C10orf53: variants seen among roughly 807,000 people sequenced by gnomAD.
C10orf53 encodes the protein chromosome 10 open reading frame 53.
In C10orf53, 8 loss-of-function variants were observed where a neutral mutation model predicts 9.4. The ratio of observed to expected loss-of-function variants is 0.85; its 90% CI spans 0.50 to 1.53. The LOEUF (loss-of-function observed/expected upper bound fraction) is 1.53, where lower values mean the gene tolerates loss of function less well. Ranked by LOEUF, C10orf53 falls within the 40% of genes most tolerant of loss-of-function variation. The pLI, the probability that C10orf53 is intolerant of heterozygous loss-of-function variation, is 0.00. For missense variants in C10orf53, 117 were observed against 117.8 expected, an observed-to-expected ratio of 0.99 and a Z score of 0.03; for synonymous variants, 48 against 46.0, an observed-to-expected ratio of 1.04 and a Z score of -0.18.
At chr10:49,700,254 TCTA>T (rs931462186), downstream of C10orf53, among the ~76,000 whole-genome samples, 96 of 152,348 alleles carry the variant, frequency 6.3e-4, no homozygotes, top group African/African-American at 2.2e-3. Flanking sequence ...GACCCAGGAA[TCTA>T]CTTCTTTCAC....
intron 2 of C10orf53, among the ~76,000 whole-genome samples, chr10:49,707,897 C>T (rs1840734068): frequency 6.6e-6 from 1 of 151,826 alleles, no homozygotes; most frequent in South Asian, 2.1e-4. Flanking sequence ...ACCCATTGAC[C>T]TCATTGTATT....
chr10:49,683,164 A>G (rs775776836), intron 1 of C10orf53, among the ~76,000 whole-genome samples: 2 of 152,232 alleles, frequency 1.3e-5, no homozygotes, highest in African/African-American at 2.4e-5. Context: ...ACCATTTTAC[A>G]TTCCCACTAG....
chr10:49,680,484 G>C (rs1840468680), intron 1 of C10orf53, among the ~76,000 whole-genome samples: 1 of 152,218 alleles, frequency 6.6e-6, no homozygotes, highest in African/African-American at 2.4e-5. Context: ...TCCAGGCAGA[G>C]GGACTAATAA....
At chr10:49,699,113 T>G (rs567109329), downstream of C10orf53, among the ~76,000 whole-genome samples, 2 of 151,472 alleles carry the variant, frequency 1.3e-5, no homozygotes, top group Admixed American at 6.6e-5. Flanking sequence ...TGAAAGGCAT[T>G]TTTAAAATAG....
intron 2 of C10orf53, among the ~76,000 whole-genome samples, chr10:49,706,949 G>C (rs1840726216): frequency 6.6e-6 from 1 of 152,144 alleles, no homozygotes; most frequent in Admixed American, 6.5e-5. Context: ...TCTTGCCCAG[G>C]GTTACCTGAG....
intron 1 of C10orf53, among the ~76,000 whole-genome samples, chr10:49,689,679 A>G (rs1840563386): frequency 6.6e-6 from 1 of 152,186 alleles, no homozygotes; most frequent in Admixed American, 6.5e-5. Context: ...ACAGCGCTGA[A>G]GAAGAATGCA....
chr10:49,709,661 G>A (rs1840748551), exon 3 of C10orf53: 1 of 152,372 alleles, frequency 6.6e-6, no homozygotes, highest in Non-Finnish European at 1.5e-5. Flanking sequence ...TCTTCAGCCA[G>A]GCATAAGAGA....
intron 1 of C10orf53, among the ~76,000 whole-genome samples, chr10:49,680,259 CTTG>C (rs1358434991): frequency 2.6e-5 from 4 of 152,194 alleles, no homozygotes; most frequent in African/African-American, 9.7e-5. Flanking sequence ...AAGTAATCTC[CTTG>C]TTAACTGCTA....
intron 1 of C10orf53, among the ~76,000 whole-genome samples, chr10:49,686,751 C>T (rs944133269): frequency 6.6e-5 from 10 of 152,210 alleles, no homozygotes; most frequent in Admixed American, 2.6e-4. Flanking sequence ...CGGTTGTCTG[C>T]TCTCGAACCC....
intron 1 of C10orf53, among the ~76,000 whole-genome samples, chr10:49,684,582 G>A (rs533702852): frequency 1.4e-4 from 1 of 7,028 alleles, no homozygotes; most frequent in South Asian, 9.4e-3. Flanking sequence ...CTAATTGTTT[G>A]CATATATTCC....
At chr10:49,692,935 G>A (rs1178734377) in intron 1 of C10orf53, among the ~76,000 whole-genome samples, 2 of 151,994 alleles carry the variant, frequency 1.3e-5, no homozygotes, top group Non-Finnish European at 2.9e-5. Flanking sequence ...ACGCAATCTG[G>A]AAAATGCTGA....
chr10:49,682,953 A>G (rs1347616874), intron 1 of C10orf53, among the ~76,000 whole-genome samples: 1 of 152,168 alleles, frequency 6.6e-6, no homozygotes, highest in Non-Finnish European at 1.5e-5. Flanking sequence ...GATATGCCAT[A>G]TTTTGTTTAT....
At chr10:49,704,617 G>A (rs571634919) in intron 2 of C10orf53, among the ~76,000 whole-genome samples, 10 of 152,178 alleles carry the variant, frequency 6.6e-5, no homozygotes, top group African/African-American at 1.4e-4. Context: ...GGTGGTGCAC[G>A]CCTGTAATCC....
intron 1 of C10orf53, 146 bp downstream of exon 1, chr10:49,679,940 G>T (rs1428247961): frequency 2.7e-6 from 2 of 727,916 alleles, no homozygotes; most frequent in Non-Finnish European, 4.1e-6. Context: ...GCAACCTATG[G>T]CTTCCAGGGC....
At chr10:49,700,555 G>A (rs2132888733), downstream of C10orf53, among the ~76,000 whole-genome samples, 1 of 152,286 alleles carries the variant, frequency 6.6e-6, no homozygotes, top group Non-Finnish European at 1.5e-5. Context: ...TGTGAGAGAG[G>A]CTGGTCTCTA....
exon 3 of C10orf53, chr10:49,708,533 A>C (rs758378422): frequency 1.2e-6 from 2 of 1,614,060 alleles, no homozygotes. Context: ...TCCATTTCCA[A>C]ACCAATCTTT....
In C10orf53 at chr10:49,708,059, T is replaced by C. The variant is rs543919002; in HGVS notation, c.218-302T>C. Among the ~76,000 whole-genome samples the C allele has an allele frequency of 9.2e-5, 14 of 152,268 alleles. No homozygotes were observed. The South Asian group carries it at 1.0e-3, about 11-fold the overall frequency. ...CCCATCTCCTGGTTCTGTTCATGTG[T>C]TCTCCCCTGCACACTCTATTGTCAT... is the stretch of plus-strand genomic sequence containing the variant. On this transcript the variant is annotated intron_variant, in intron 2 of 2. Transcript: ENST00000374112.
exon 3 of C10orf53, chr10:49,708,797 C>A: frequency 1.3e-6 from 1 of 791,002 alleles, no homozygotes; most frequent in Non-Finnish European, 2.0e-6. Flanking sequence ...CGTGATTCTC[C>A]CCAGCTCTGA....
At chr10:49,707,514 G>C (rs947862733) in intron 2 of C10orf53, among the ~76,000 whole-genome samples, 1 of 152,176 alleles carries the variant, frequency 6.6e-6, no homozygotes, top group Non-Finnish European at 1.5e-5. Context: ...CCAGAACTTA[G>C]GCAACAGCCT....
Sources: gnomAD v4.1 joint callset for allele counts (sites outside exome capture counted in the v4.1 genomes callset) on GRCh38, gnomAD v4.1.1 for gene constraint, MANE v1.5 for transcripts, NCBI Gene and HGNC (gene_info 2026-07-23, HGNC 2026-07-21) for gene names.